SEMA5A: variants seen among roughly 807,000 people sequenced by gnomAD.
SEMA5A encodes semaphorin 5A, also known as semaphorin-5A.
Under a neutral mutation model 135.5 loss-of-function variants are expected in SEMA5A, and 55 were observed. The observed-to-expected ratio is 0.41, with a 90% CI of 0.33 to 0.51. The LOEUF is 0.51. SEMA5A is among the 20% of genes least tolerant of loss of function. The pLI, the probability that SEMA5A is intolerant of heterozygous loss-of-function variation, is 0.37. For synonymous variants in SEMA5A, 580 were observed against 546.5 expected (o/e 1.06, Z -0.85); for missense variants, 1,290 against 1,419.9 (o/e 0.91, Z 1.47).
chr5:9,369,586 G>A (rs1040553105), intron 3 of SEMA5A, among the ~76,000 whole-genome samples: 17 of 152,190 alleles, frequency 1.1e-4, no homozygotes, highest in African/African-American at 4.1e-4. Flanking sequence ...AGTACCACTT[G>A]TTGAAGACTA....
chr5:9,114,729 A>C (rs1740423330), intron 15 of SEMA5A, among the ~76,000 whole-genome samples: 1 of 152,300 alleles, frequency 6.6e-6, no homozygotes, highest in South Asian at 2.1e-4. Flanking sequence ...TGGATTATTA[A>C]ACTAAAAGAA....
In SEMA5A at chr5:9,136,738, C is replaced by T. The variant is rs966977351; in HGVS notation, c.1482-117G>A. On this transcript the variant is annotated intron_variant, in intron 12 of 22. Coordinates refer to ENST00000382496, the MANE Select transcript of SEMA5A (RefSeq NM_003966.3). ...TATGGGATTTCTTACATATGAAGCC[C>T]AATGGGTATTTAGGCTGCACACTGG... The T allele has an allele frequency of 1.1e-5, 9 of 791,046 alleles. No homozygotes were observed. The African/African-American group carries it at 1.5e-4, about 13-fold the overall frequency. The allele number at this position is 791,046 out of a possible 1,614,324, so 49.0% of individuals were successfully genotyped here.
intron 3 of SEMA5A, among the ~76,000 whole-genome samples, chr5:9,353,131 GGAAA>G (rs1290812354): frequency 4.7e-3 from 271 of 57,166 alleles, no homozygotes; most frequent in Admixed American, 5.5e-3. Context: ...GGAAAGGAAA[GGAAA>G]GGAAAGGAAA....
intron 2 of SEMA5A, among the ~76,000 whole-genome samples, chr5:9,394,111 G>A (rs1756284340): frequency 6.6e-6 from 1 of 152,150 alleles, no homozygotes; most frequent in South Asian, 2.1e-4. Flanking sequence ...CTTCACAGTA[G>A]TGCTACTGTG....
chr5:9,072,310 C>T (rs1271660204), intron 16 of SEMA5A, among the ~76,000 whole-genome samples: 1 of 152,078 alleles, frequency 6.6e-6, no homozygotes, highest in Non-Finnish European at 1.5e-5. Context: ...AGGCTAGAGA[C>T]TGAGAAGACA....
chr5:9,400,396 T>G (rs2696367), intron 2 of SEMA5A, among the ~76,000 whole-genome samples: 61,659 of 151,700 alleles, frequency 0.41, 12,988 homozygotes, highest in East Asian at 0.54. Context: ...TTTTATCATT[T>G]TCAATTCAGA....
chr5:9,522,604 G>T (rs1736898975), intron 1 of SEMA5A: 1 of 151,998 alleles, frequency 6.6e-6, no homozygotes, highest in Admixed American at 6.6e-5. Context: ...TAAAAAGGAG[G>T]GGTAAAGAGT....
chr5:9,437,448 C>T (rs1468320769), intron 2 of SEMA5A, among the ~76,000 whole-genome samples: 2 of 152,134 alleles, frequency 1.3e-5, no homozygotes, highest in African/African-American at 4.8e-5. Context: ...ACTCTGCCTC[C>T]TGGGTTCAAG....
chr5:9,489,623 C>T (rs997857479), intron 1 of SEMA5A, among the ~76,000 whole-genome samples: 4 of 152,066 alleles, frequency 2.6e-5, no homozygotes, highest in Non-Finnish European at 4.4e-5. Context: ...CAAAATGATT[C>T]AAATAGAATA....
chr5:9,390,048 T>C (rs1756083432), intron 2 of SEMA5A, among the ~76,000 whole-genome samples: 1 of 152,212 alleles, frequency 6.6e-6, no homozygotes, highest in Non-Finnish European at 1.5e-5. Flanking sequence ...TTTACAATAT[T>C]AGCACTTCCA....
At chr5:9,240,569 A>C (rs1748138445) in intron 5 of SEMA5A, among the ~76,000 whole-genome samples, 1 of 151,898 alleles carries the variant, frequency 6.6e-6, no homozygotes, top group African/African-American at 2.4e-5. Flanking sequence ...TTAAAAAAAA[A>C]AATCCATCAG....
chr5:9,378,982 G>A (rs1463114231), intron 3 of SEMA5A, among the ~76,000 whole-genome samples: 1 of 152,056 alleles, frequency 6.6e-6, no homozygotes, highest in African/African-American at 2.4e-5. Flanking sequence ...GATGAAGCAT[G>A]AGTGGAAATT....
At chr5:9,050,865 A>T (rs1702070613) in intron 20 of SEMA5A, among the ~76,000 whole-genome samples, 1 of 152,180 alleles carries the variant, frequency 6.6e-6, no homozygotes, top group Admixed American at 6.5e-5. Context: ...CGGCAGAGGG[A>T]GGGCCCATTC....
At chr5:9,073,469 G>C (rs544684543) in intron 16 of SEMA5A, among the ~76,000 whole-genome samples, 33 of 152,028 alleles carry the variant, frequency 2.2e-4, no homozygotes, top group Non-Finnish European at 3.8e-4. Flanking sequence ...TCTCATGAAG[G>C]ATATCTATTA....
chr5:9,259,679 G>C (rs1178356325), intron 5 of SEMA5A, among the ~76,000 whole-genome samples: 1 of 149,166 alleles, frequency 6.7e-6, no homozygotes, highest in Non-Finnish European at 1.5e-5. Context: ...AAATAAAGAT[G>C]TTCTTTGAAA....
At position 9,208,605 on chromosome 5, in the gene SEMA5A, G is replaced by A. The variant is rs543788078; in HGVS notation, c.647-6365C>T. On this transcript the variant is annotated intron_variant, in intron 8 of 22. Coordinates refer to ENST00000382496, the MANE Select transcript of SEMA5A (RefSeq NM_003966.3). Reference sequence around the variant, plus strand: ...AGGGGCCACCCAGACAAGGATGGGGGAAGAGAACATCCCTGCCAGAAGGAG... The same window carrying A: ...AGGGGCCACCCAGACAAGGATGGGGAAAGAGAACATCCCTGCCAGAAGGAG... Among the ~76,000 whole-genome samples the A allele has an allele frequency of 1.7e-4, 26 of 152,288 alleles. 1 individual carries two copies. The East Asian group carries it at 4.8e-3, about 28-fold the overall frequency.
chr5:9,450,508 C>T (rs1311756967), intron 1 of SEMA5A, among the ~76,000 whole-genome samples: 1 of 151,912 alleles, frequency 6.6e-6, no homozygotes, highest in Non-Finnish European at 1.5e-5. Flanking sequence ...TCCCATTCTC[C>T]CTCCATAATC....
intron 1 of SEMA5A, among the ~76,000 whole-genome samples, chr5:9,542,376 T>C (rs1738140589): frequency 6.6e-6 from 1 of 152,356 alleles, no homozygotes; most frequent in African/African-American, 2.4e-5. Context: ...AAATTATCTA[T>C]GTTGTCAACT....
chr5:9,269,823 C>T (rs1749877526), intron 5 of SEMA5A, among the ~76,000 whole-genome samples: 1 of 152,046 alleles, frequency 6.6e-6, no homozygotes, highest in Admixed American at 6.6e-5. Context: ...ACACTCACTT[C>T]TGAGTTAGGA....
Sources: allele counts gnomAD v4.1 joint callset (sites outside exome capture counted in the v4.1 genomes callset), GRCh38; gene constraint gnomAD v4.1.1; transcripts MANE v1.5; gene names NCBI Gene and HGNC (gene_info 2026-07-23, HGNC 2026-07-21).